Variants in MAMDC2 observed in about 807,000 individuals in gnomAD.
MAMDC2 encodes MAM domain-containing protein 2.
A neutral mutation model predicts 89.8 loss-of-function variants in MAMDC2; 57 were observed. The observed-to-expected ratio is 0.63, with a 90% CI of 0.51 to 0.79. MAMDC2 has a LOEUF of 0.79. Ranked by LOEUF, MAMDC2 falls within the 30% of genes least tolerant of loss-of-function variation. The pLI, the probability that MAMDC2 is intolerant of heterozygous loss-of-function variation, is 0.00. For missense variants in MAMDC2, 800 were observed against 820.6 expected (o/e 0.97, Z 0.31); for synonymous variants, 313 against 293.4 (o/e 1.07, Z -0.68).
At chr9:70,202,618 TTC>T (rs1271887530) in intron 11 of MAMDC2, among the ~76,000 whole-genome samples, 2 of 145,518 alleles carry the variant, frequency 1.4e-5, no homozygotes, top group Admixed American at 6.9e-5. Context: ...CTTGTTGACT[TTC>T]TGTCTCGTTG....
At chr9:70,168,497 T>A in intron 9 of MAMDC2, 1 of 491,010 alleles carries the variant, frequency 2.0e-6, no homozygotes, top group Non-Finnish European at 3.7e-6. Flanking sequence ...ATCTCAAAAA[T>A]TAACAATAAT....
intron 2 of MAMDC2, among the ~76,000 whole-genome samples, chr9:70,049,621 G>T (rs1303195383): frequency 6.6e-6 from 1 of 152,190 alleles, no homozygotes; most frequent in Non-Finnish European, 1.5e-5. Context: ...TCTGCAGGTT[G>T]TTCTTAGAGC....
At chr9:70,074,294 GC>G (rs1411707672) in intron 2 of MAMDC2, among the ~76,000 whole-genome samples, 5 of 152,204 alleles carry the variant, frequency 3.3e-5, no homozygotes, top group African/African-American at 1.2e-4. Context: ...TAAAACTTAT[GC>G]AACTTTTAAG....
chr9:70,173,922 A>T (rs890791150), intron 11 of MAMDC2, among the ~76,000 whole-genome samples: 2 of 152,236 alleles, frequency 1.3e-5, no homozygotes, highest in African/African-American at 4.8e-5. Context: ...TGTCATCTAG[A>T]AAATGAGAAT....
intron 2 of MAMDC2, among the ~76,000 whole-genome samples, chr9:70,066,009 C>G (rs1342204982): frequency 6.6e-6 from 1 of 152,112 alleles, no homozygotes; most frequent in African/African-American, 2.4e-5. Flanking sequence ...GTGAATGAAA[C>G]AAAGTTCCGA....
intron 9 of MAMDC2, among the ~76,000 whole-genome samples, chr9:70,167,164 T>C (rs574377413): frequency 6.6e-6 from 1 of 152,306 alleles, no homozygotes; most frequent in Non-Finnish European, 1.5e-5. Context: ...TTTTGTTTTG[T>C]TCTTTGTATA....
rs755211846 is a variant in MAMDC2 at position 70,108,196 on chromosome 9, C to G, written c.149-15C>G. On this transcript the variant is annotated splice_polypyrimidine_tract_variant and intron_variant, in intron 2 of 13. Coordinates refer to ENST00000377182, the MANE Select transcript of MAMDC2 (RefSeq NM_153267.5). ...CAAAAATTGATCCTTTTCCTATGTT[C>G]CTTTCTCTTTCCAGGCCATTACATT... 1 of 1,543,164 alleles carries G rather than the reference C, an allele frequency of 6.5e-7. No individual in the cohort carries two copies.
intron 10 of MAMDC2, 124 bp from the exon 11 acceptor site, chr9:70,170,354 TG>T: frequency 9.1e-7 from 1 of 1,098,290 alleles, no homozygotes; most frequent in Non-Finnish European, 1.3e-6. Flanking sequence ...GGGCCACCAG[TG>T]GGGGCTGCCT....
At chr9:70,137,523 G>T (rs1713090739) in intron 7 of MAMDC2, among the ~76,000 whole-genome samples, 1 of 152,078 alleles carries the variant, frequency 6.6e-6, no homozygotes, top group African/African-American at 2.4e-5. Context: ...ATTGAATCTT[G>T]CATCCCTGGT....
chr9:70,091,635 T>A (rs1827904188), intron 2 of MAMDC2, among the ~76,000 whole-genome samples: 1 of 152,210 alleles, frequency 6.6e-6, no homozygotes, highest in Non-Finnish European at 1.5e-5. Context: ...GGCTGCTTGT[T>A]AGGCAGCAGA....
At chr9:70,051,907 A>G (rs1029858723) in intron 2 of MAMDC2, among the ~76,000 whole-genome samples, 6 of 151,948 alleles carry the variant, frequency 3.9e-5, no homozygotes, top group African/African-American at 1.5e-4. Flanking sequence ...AGATAGATAG[A>G]TAGATAGATA....
chr9:70,207,563 T>G (rs1271611447), intron 11 of MAMDC2, among the ~76,000 whole-genome samples: 2 of 152,240 alleles, frequency 1.3e-5, no homozygotes, highest in African/African-American at 4.8e-5. Flanking sequence ...TGTAAAAATT[T>G]TCTCCCATTC....
intron 2 of MAMDC2, among the ~76,000 whole-genome samples, chr9:70,047,469 T>C (rs914446418): frequency 2.6e-5 from 4 of 152,188 alleles, no homozygotes; most frequent in African/African-American, 7.2e-5. Flanking sequence ...TTTCTGTTCC[T>C]GTGTTAGTTT....
chr9:70,218,095 T>G (rs1487779488), intron 11 of MAMDC2, among the ~76,000 whole-genome samples: 1 of 152,256 alleles, frequency 6.6e-6, no homozygotes, highest in Non-Finnish European at 1.5e-5. Flanking sequence ...ACTGGTATAT[T>G]AATTACCTCT....
At chr9:70,061,953 TGATTCAGCTGTAATGG>T (rs540112375) in intron 2 of MAMDC2, among the ~76,000 whole-genome samples, 275 of 152,298 alleles carry the variant, frequency 1.8e-3, no homozygotes, top group African/African-American at 5.9e-3. Flanking sequence ...ATGAAGATGT[TGATTCAGCTGTAATGG>T]GATTCAGCTG....
At chr9:70,136,849 T>C (rs2031030873) in intron 7 of MAMDC2, among the ~76,000 whole-genome samples, 1 of 152,204 alleles carries the variant, frequency 6.6e-6, no homozygotes, top group South Asian at 2.1e-4. Context: ...CAAATATCCA[T>C]GGGAGAATGT....
intron 11 of MAMDC2, among the ~76,000 whole-genome samples, chr9:70,179,569 C>T (rs115269945): frequency 0.045 from 6,635 of 146,748 alleles, 186 homozygotes; most frequent in South Asian, 0.073. Context: ...TAAAATAAGG[C>T]ATAGATTCCC....
At chr9:70,118,390 A>C (rs1359145037) in intron 5 of MAMDC2, among the ~76,000 whole-genome samples, 1 of 150,360 alleles carries the variant, frequency 6.7e-6, no homozygotes, top group African/African-American at 2.5e-5. Context: ...TCCCCTATAG[A>C]GGATAGGGCC....
chr9:70,143,511 T>C, intron 8 of MAMDC2, 43 bp from the exon 9 acceptor site: 1 of 1,590,296 alleles, frequency 6.3e-7, no homozygotes, highest in Non-Finnish European at 8.6e-7. Flanking sequence ...CTAATCTAGA[T>C]TAGATTATTT....
Sources: allele counts gnomAD v4.1 joint callset (sites outside exome capture counted in the v4.1 genomes callset), GRCh38; gene constraint gnomAD v4.1.1; transcripts MANE v1.5; gene names NCBI Gene and HGNC (gene_info 2026-07-23, HGNC 2026-07-21).